The following LIN28B variants were observed in gnomAD, a reference collection of about 807,000 sequenced individuals.
LIN28B encodes the protein lin-28 RNA binding posttranscriptional regulator B.
In LIN28B, 5 loss-of-function variants were observed where a neutral mutation model predicts 21.9. The observed-to-expected ratio is 0.23, with a 90% CI of 0.12 to 0.48. LIN28B has a LOEUF of 0.48. LIN28B is among the 20% of genes least tolerant of loss of function. The pLI is 0.98. For synonymous variants in LIN28B, 109 were observed against 111.3 expected, an observed-to-expected ratio of 0.98 and a Z score of 0.13; for missense variants, 245 against 310.5, an observed-to-expected ratio of 0.79 and a Z score of 1.58.
At chr6:105,029,868 A>G (rs1388646081) in intron 3 of LIN28B, among the ~76,000 whole-genome samples, 2 of 152,180 alleles carry the variant, frequency 1.3e-5, no homozygotes, top group African/African-American at 4.8e-5. Flanking sequence ...ATGATGGATG[A>G]TAGAATATAA....
chr6:105,046,696 A>G (rs555830558), intron 3 of LIN28B, among the ~76,000 whole-genome samples: 1 of 152,180 alleles, frequency 6.6e-6, no homozygotes, highest in Non-Finnish European at 1.5e-5. Context: ...CTGACTTTTT[A>G]ATGATCACCA....
intron 2 of LIN28B, among the ~76,000 whole-genome samples, chr6:105,011,566 G>A (rs942844018): frequency 1.3e-5 from 2 of 152,174 alleles, no homozygotes; most frequent in Non-Finnish European, 2.9e-5. Flanking sequence ...CACCCTGTGG[G>A]AATTGAAGCA....
intron 2 of LIN28B, chr6:104,941,564 G>T (rs969658310): frequency 5.7e-4 from 86 of 150,594 alleles, no homozygotes; most frequent in African/African-American, 2.0e-3. Flanking sequence ...CGTCTGGGAC[G>T]CACGGGGCCG....
chr6:105,057,723 C>T (rs985451905), intron 3 of LIN28B, among the ~76,000 whole-genome samples: 1 of 151,274 alleles, frequency 6.6e-6, no homozygotes, highest in Admixed American at 6.6e-5. Flanking sequence ...TATTAGTTTA[C>T]TATAAATTAC....
chr6:104,944,360 TAC>T (rs1778132638), intron 2 of LIN28B, among the ~76,000 whole-genome samples: 1 of 152,132 alleles, frequency 6.6e-6, no homozygotes, highest in Non-Finnish European at 1.5e-5. Flanking sequence ...TCAAAAACTG[TAC>T]AGTTTTAGTT....
At chr6:105,028,961 A>G (rs1230831103) in intron 3 of LIN28B, among the ~76,000 whole-genome samples, 2 of 152,152 alleles carry the variant, frequency 1.3e-5, no homozygotes, top group African/African-American at 2.4e-5. Context: ...TAGGAGGGAA[A>G]GTCAGGGAAA....
At chr6:105,055,233 C>A (rs1050519151) in intron 3 of LIN28B, among the ~76,000 whole-genome samples, 2 of 152,042 alleles carry the variant, frequency 1.3e-5, no homozygotes, top group Admixed American at 6.6e-5. Context: ...ATCATTTCTT[C>A]GTGTGTTTTT....
At chr6:105,077,846 C>T (rs1257984912) in intron 3 of LIN28B, among the ~76,000 whole-genome samples, 2 of 152,148 alleles carry the variant, frequency 1.3e-5, no homozygotes, top group African/African-American at 2.4e-5. Flanking sequence ...TATCAAATTT[C>T]ACTGCATTAC....
intron 2 of LIN28B, among the ~76,000 whole-genome samples, chr6:104,984,214 A>T (rs1310169564): frequency 6.6e-6 from 1 of 152,242 alleles, no homozygotes; most frequent in Non-Finnish European, 1.5e-5. Flanking sequence ...TTAAAAAAAT[A>T]GGTGATTTGG....
At chr6:104,941,458 G>C (rs1268760042) in intron 2 of LIN28B, 1 of 149,394 alleles carries the variant, frequency 6.7e-6, no homozygotes, top group Non-Finnish European at 1.5e-5. Flanking sequence ...GGCGGGGCGG[G>C]GCAGGGCGGG....
intron 2 of LIN28B, among the ~76,000 whole-genome samples, chr6:104,979,423 G>A (rs1303613948): frequency 7.2e-5 from 11 of 151,934 alleles, no homozygotes; most frequent in African/African-American, 2.7e-4. Flanking sequence ...GGCCAGGCTG[G>A]TCTCGAACTT....
intron 2 of LIN28B, among the ~76,000 whole-genome samples, chr6:105,005,539 A>T (rs1770799638): frequency 6.6e-6 from 1 of 152,018 alleles, no homozygotes; most frequent in Admixed American, 6.6e-5. Flanking sequence ...TGCTGTTCTC[A>T]TGATAGTGAG....
intron 3 of LIN28B, among the ~76,000 whole-genome samples, chr6:104,951,156 T>C (rs1778216841): frequency 6.6e-6 from 1 of 152,168 alleles, no homozygotes; most frequent in Non-Finnish European, 1.5e-5. Flanking sequence ...TATAGCACCA[T>C]TTTTTAGTAA....
Position 105,026,454 on chromosome 6 carries a change from C to G in LIN28B, c.355C>G (p.Leu119Val). ...GSERRPKGKT[L>V]QKRKPKGDRC... ...TGAAAGAAGACCCAAAGGGAAGACA[C>G]TACAGAAAAGAAAACCAAAGGGAGA... The change falls in exon 3 of 4, where the codon CTA becomes GTA. Residue 119 changes from leucine (L) to valine (V), a missense_variant. Transcript: ENST00000345080. 1 of 1,588,140 alleles carries G rather than the reference C, an allele frequency of 6.3e-7. No homozygotes were observed. Among genetic ancestry groups the G allele is most frequent in the African/African-American group, 1.4e-5 (1 of 73,200 alleles).
intron 2 of LIN28B, among the ~76,000 whole-genome samples, chr6:104,993,382 C>T (rs1395690568): frequency 6.6e-6 from 1 of 150,964 alleles, no homozygotes; most frequent in South Asian, 2.1e-4. Context: ...GGCAGGAGAT[C>T]ACTTGAGCTC....
chr6:105,019,927 TC>T (rs1771101870), intron 2 of LIN28B, among the ~76,000 whole-genome samples: 1 of 152,098 alleles, frequency 6.6e-6, no homozygotes, highest in Non-Finnish European at 1.5e-5. Flanking sequence ...AAAAAAATAC[TC>T]TGATTTCTAA....
intron 3 of LIN28B, among the ~76,000 whole-genome samples, chr6:105,074,190 T>G (rs1269989475): frequency 1.3e-5 from 2 of 152,210 alleles, no homozygotes; most frequent in Non-Finnish European, 2.9e-5. Context: ...TTGCCATTCT[T>G]TCATTTAAAA....
At chr6:105,046,637 T>C (rs969049548) in intron 3 of LIN28B, among the ~76,000 whole-genome samples, 15 of 152,056 alleles carry the variant, frequency 9.9e-5, no homozygotes, top group African/African-American at 3.6e-4. Context: ...CCACCAACAG[T>C]GTAAAAGTGT....
At chr6:105,005,603 G>GGC (rs917282068) in intron 2 of LIN28B, among the ~76,000 whole-genome samples, 10 of 151,904 alleles carry the variant, frequency 6.6e-5, no homozygotes, top group African/African-American at 2.4e-4. Flanking sequence ...CTCGTCCCTT[G>GGC]GCTCTCTCTC....
Sources: gnomAD v4.1 joint callset for allele counts (sites outside exome capture counted in the v4.1 genomes callset) on GRCh38, gnomAD v4.1.1 for gene constraint, MANE v1.5 for transcripts, NCBI Gene and HGNC (gene_info 2026-07-23, HGNC 2026-07-21) for gene names.